RELN: variants seen among roughly 807,000 people sequenced by gnomAD.
RELN encodes the protein reelin.
In RELN, 108 loss-of-function variants were observed where a neutral mutation model predicts 427.6. The observed-to-expected ratio is 0.25, with a 90% CI of 0.22 to 0.30. RELN has a LOEUF of 0.30. Among genes scored for constraint, RELN ranks in the 10% least tolerant of loss-of-function variants. The probability of loss-of-function intolerance (pLI) is 1.00; values close to 1 mark genes in which losing one functional copy is unlikely to be tolerated. For missense variants in RELN, 3,715 were observed against 4,302.8 expected (o/e 0.86, Z 3.82); for synonymous variants, 1,524 against 1,513.4 (o/e 1.01, Z -0.16).
intron 62 of RELN, 66 bp from the exon 63 acceptor site, chr7:103,483,037 T>G (rs1213518848): frequency 8.1e-7 from 1 of 1,236,522 alleles, no homozygotes; most frequent in Non-Finnish European, 1.2e-6. Context: ...GTATTTGACT[T>G]CTAGATGTCA....
At chr7:103,826,120 T>C (rs1049680313) in intron 3 of RELN, among the ~76,000 whole-genome samples, 1 of 151,964 alleles carries the variant, frequency 6.6e-6, no homozygotes, top group South Asian at 2.1e-4. Context: ...GATGGGCTCC[T>C]TTCTTCTTTC....
At chr7:103,753,160 C>T (rs753925471) in intron 5 of RELN, 22 bp downstream of exon 5, 1 of 1,613,066 alleles carries the variant, frequency 6.2e-7, no homozygotes, top group Non-Finnish European at 8.5e-7. Flanking sequence ...AAGTTAATGA[C>T]ATCAGAGTCT....
intron 49 of RELN, among the ~76,000 whole-genome samples, chr7:103,517,975 C>T (rs996856754): frequency 3.9e-5 from 6 of 152,104 alleles, no homozygotes; most frequent in African/African-American, 4.8e-5. Flanking sequence ...GAGAGCACAC[C>T]CTTCTCGCCC....
chr7:103,820,130 T>C (rs918857661), intron 3 of RELN, among the ~76,000 whole-genome samples: 9 of 151,960 alleles, frequency 5.9e-5, no homozygotes, highest in African/African-American at 2.2e-4. Context: ...GTCTGAAAAA[T>C]GTCAGATATT....
At chr7:103,663,646 A>C (rs559113408) in intron 11 of RELN, among the ~76,000 whole-genome samples, 95 of 152,176 alleles carry the variant, frequency 6.2e-4, no homozygotes, top group African/African-American at 2.2e-3. Flanking sequence ...TACTGCTACT[A>C]TTGCTGCCAG....
At chr7:103,769,720 T>C (rs1791516848) in intron 4 of RELN, among the ~76,000 whole-genome samples, 1 of 152,224 alleles carries the variant, frequency 6.6e-6, no homozygotes. Flanking sequence ...GGTGTCCTCC[T>C]ATTGAACATA....
At chr7:103,684,531 A>G (rs1372240286) in intron 10 of RELN, among the ~76,000 whole-genome samples, 1 of 152,208 alleles carries the variant, frequency 6.6e-6, no homozygotes, top group East Asian at 1.9e-4. Flanking sequence ...AGATCGGAAA[A>G]GAACAAAAAT....
In RELN at chr7:103,594,546, T is replaced by TC; in HGVS notation, c.3540-55_3540-54insG. 3 of 1,580,974 alleles carry TC rather than the reference T, an allele frequency of 1.9e-6. No homozygotes were observed. In the East Asian group the frequency reaches 6.7e-5, roughly 35 times the overall value. ...GGAAAACAAAAGCTGTGCTTTTTTT[T>TC]TTTCAGCTATTAAAACAACAAGGGT... On this transcript the variant is annotated intron_variant, in intron 25 of 64. Coordinates refer to ENST00000428762, the MANE Select transcript of RELN (RefSeq NM_005045.4).
At chr7:103,567,279 AATT>A (rs2117190718) in intron 31 of RELN, among the ~76,000 whole-genome samples, 1 of 152,262 alleles carries the variant, frequency 6.6e-6, no homozygotes, top group Non-Finnish European at 1.5e-5. Context: ...AGTGAAATCA[AATT>A]ATTAAGTGGC....
intron 4 of RELN, among the ~76,000 whole-genome samples, chr7:103,773,134 T>TTCTTTCTTTCTTTCTTTCTC (rs1791621734): frequency 1.0e-5 from 1 of 98,408 alleles, no homozygotes; most frequent in South Asian, 3.9e-4. Context: ...CTTTCTTTCT[T>TTCTTTCTTTCTTTCTTTCTC]TCTTTCTTTC....
chr7:103,658,539 C>T (rs7800136), intron 12 of RELN, among the ~76,000 whole-genome samples: 42,178 of 151,744 alleles, frequency 0.28, 6,076 homozygotes, highest in South Asian at 0.37. Flanking sequence ...CTTACTCTAC[C>T]CTATGCCACC....
chr7:103,987,280 G>A (rs1320429452), intron 1 of RELN, among the ~76,000 whole-genome samples: 1 of 151,860 alleles, frequency 6.6e-6, no homozygotes, highest in African/African-American at 2.4e-5. Context: ...ATTCTCCTCC[G>A]CAATGTCCAA....
chr7:103,941,594 T>C (rs1183690517), intron 1 of RELN, among the ~76,000 whole-genome samples: 7 of 152,198 alleles, frequency 4.6e-5, no homozygotes, highest in African/African-American at 1.7e-4. Flanking sequence ...TGTCTACTCA[T>C]TCTAAAATTT....
At chr7:103,799,321 T>C (rs1792386561) in intron 3 of RELN, among the ~76,000 whole-genome samples, 1 of 152,136 alleles carries the variant, frequency 6.6e-6, no homozygotes, top group African/African-American at 2.4e-5. Context: ...TATGACTAGG[T>C]CTAGTTACAT....
chr7:103,856,469 T>C (rs1280460843), intron 2 of RELN, among the ~76,000 whole-genome samples: 1 of 149,512 alleles, frequency 6.7e-6, no homozygotes, highest in African/African-American at 2.5e-5. Flanking sequence ...CTTGGGAGGC[T>C]GAGGCAGGAG....
intron 53 of RELN, among the ~76,000 whole-genome samples, chr7:103,498,847 C>A (rs902386379): frequency 6.6e-6 from 1 of 151,950 alleles, no homozygotes; most frequent in African/African-American, 2.4e-5. Context: ...AAGCATATAC[C>A]CCCAAACATG....
At chr7:103,807,086 G>C (rs996427278) in intron 3 of RELN, among the ~76,000 whole-genome samples, 6 of 152,164 alleles carry the variant, frequency 3.9e-5, no homozygotes, top group African/African-American at 1.4e-4. Flanking sequence ...AGGAGGTACC[G>C]GAGCTGAGCT....
chr7:103,947,270 G>C (rs140416527), intron 1 of RELN, among the ~76,000 whole-genome samples: 239 of 152,246 alleles, frequency 1.6e-3, no homozygotes, highest in African/African-American at 5.3e-3. Flanking sequence ...ACTGTAACAG[G>C]TTGAATCATG....
intron 3 of RELN, among the ~76,000 whole-genome samples, chr7:103,817,937 C>CAAAAAAAAAAAAAAAAAAAAAAAAAAAA (rs71154371): frequency 2.8e-5 from 1 of 36,016 alleles, no homozygotes; most frequent in East Asian, 8.1e-4. Flanking sequence ...GACTCCATCT[C>CAAAAAAAAAAAAAAAAAAAAAAAAAAAA]AAAAAAAAAA....
Sources: gnomAD v4.1 joint callset for allele counts (sites outside exome capture counted in the v4.1 genomes callset) on GRCh38, gnomAD v4.1.1 for gene constraint, MANE v1.5 for transcripts, NCBI Gene and HGNC (gene_info 2026-07-23, HGNC 2026-07-21) for gene names.